The following LRRC53 variants were observed in gnomAD, a reference collection of about 807,000 sequenced individuals.
LRRC53 encodes the protein leucine-rich repeat-containing protein 53.
A neutral mutation model predicts 13.6 loss-of-function variants in LRRC53; 25 were observed. The observed-to-expected ratio is 1.83, with a 90% CI of 1.34 to 2.56. The LOEUF (loss-of-function observed/expected upper bound fraction) is 2.56, where lower values mean the gene tolerates loss of function less well. Among genes scored for constraint, LRRC53 ranks in the 30% most tolerant of loss-of-function variants. LRRC53 has a pLI of 0.00. For missense variants in LRRC53, 527 were observed against 275.8 expected, an observed-to-expected ratio of 1.91 and a Z score of -6.45; for synonymous variants, 204 against 109.8, an observed-to-expected ratio of 1.86 and a Z score of -5.37.
chr1:74,489,907 G>A (rs1048544174), intron 1 of LRRC53, among the ~76,000 whole-genome samples: 3 of 151,976 alleles, frequency 2.0e-5, no homozygotes, highest in Non-Finnish European at 2.9e-5. Context: ...ACTGGTGGAG[G>A]AAGACATACA....
intron 1 of LRRC53, among the ~76,000 whole-genome samples, chr1:74,490,359 G>T (rs1381183860): frequency 5.3e-5 from 8 of 152,130 alleles, no homozygotes; most frequent in Non-Finnish European, 1.0e-4. Context: ...ACACCTTCAA[G>T]ACTTGAATTT....
intron 1 of LRRC53, among the ~76,000 whole-genome samples, chr1:74,492,566 C>T (rs778394778): frequency 3.3e-5 from 5 of 152,142 alleles, no homozygotes; most frequent in Non-Finnish European, 7.3e-5. Flanking sequence ...GGCATCCAAG[C>T]AAGAATTCCT....
At chr1:74,485,553 C>T (rs1444342763) in intron 1 of LRRC53, among the ~76,000 whole-genome samples, 2 of 152,122 alleles carry the variant, frequency 1.3e-5, no homozygotes, top group African/African-American at 4.8e-5. Context: ...ATGTAGAATA[C>T]CCTGTCCTTC....
At chr1:74,520,073 T>C in the LRRC53 span, among the ~76,000 whole-genome samples, 1 of 152,144 alleles carries the variant, frequency 6.6e-6, no homozygotes, top group African/African-American at 2.4e-5. Flanking sequence ...TCTTTAATGG[T>C]GATTTGTGAG....
chr1:74,492,878 T>C (rs527410721), intron 1 of LRRC53, among the ~76,000 whole-genome samples: 2 of 152,306 alleles, frequency 1.3e-5, no homozygotes, highest in East Asian at 3.9e-4. Flanking sequence ...AAGCTGGAAG[T>C]CCAAGATCAG....
At position 74,480,958 on chromosome 1, in the gene LRRC53, C is replaced by A; in HGVS notation, c.99G>T (p.Met33Ile). 1 of 712,620 alleles carries A rather than the reference C, an allele frequency of 1.4e-6. No homozygotes were observed. The highest frequency in any genetic ancestry group is 1.5e-5 in the South Asian group (1 of 66,634). 44.1% of individuals were successfully genotyped at this position (712,620 alleles called of 1,614,324 possible). A position where few individuals can be genotyped will look rare whatever the true frequency, so the allele number is the denominator to read the frequency against. ...CGGTGATGATTAAAACCCTCGTGGT[C>A]ATAGGGGCTGCTGTGGGGAAAAAAG... ...HQLTYIVAAP[M>I]TTRVLIITDG... Residue 33 changes from methionine to isoleucine, a missense_variant, in exon 3 of 5, where the codon ATG (methionine) becomes ATT (isoleucine). Physicochemically the swap from Met to Ile is conservative, Grantham distance 10 (BLOSUM62 1). Transcript: ENST00000294635.
At chr1:74,497,792 G>A (rs892220372) in intron 1 of LRRC53, among the ~76,000 whole-genome samples, 1 of 151,992 alleles carries the variant, frequency 6.6e-6, no homozygotes, top group Non-Finnish European at 1.5e-5. Flanking sequence ...TATATTATTT[G>A]CATTAAAACC....
chr1:74,525,041 G>T, the LRRC53 span, among the ~76,000 whole-genome samples: 1 of 152,114 alleles, frequency 6.6e-6, no homozygotes, highest in African/African-American at 2.4e-5. Context: ...GCTGGACACT[G>T]GGGAAAGAGA....
intron 1 of LRRC53, among the ~76,000 whole-genome samples, chr1:74,498,446 A>G (rs1669446270): frequency 6.6e-6 from 1 of 152,236 alleles, no homozygotes; most frequent in Non-Finnish European, 1.5e-5. Context: ...TAGATCATAA[A>G]TATGTTAAAA....
chr1:74,491,639 T>G (rs1669083094), intron 1 of LRRC53, among the ~76,000 whole-genome samples: 1 of 152,204 alleles, frequency 6.6e-6, no homozygotes, highest in Non-Finnish European at 1.5e-5. Context: ...AAAGCATTTT[T>G]CGTCTTATAA....
chr1:74,525,035 G>A, the LRRC53 span, among the ~76,000 whole-genome samples: 1 of 152,132 alleles, frequency 6.6e-6, no homozygotes, highest in Non-Finnish European at 1.5e-5. Flanking sequence ...CTATGAGCTG[G>A]ACACTGGGGA....
Position 74,471,429 on chromosome 1 carries a change from T to G in LRRC53, c.2193A>C (p.Pro731=). ...TTGGGAGACTTGACAAGGATTTTTC[T>G]GGATGGACTCTGACTTTTCTAAAAG... ...LHPFRKVRVH[P]EKSLSSLPKQ... Residue 731 remains proline (P), a synonymous_variant, in exon 5 of 5, where the codon CCA becomes CCC. Coordinates refer to ENST00000294635, the MANE Select transcript of LRRC53 (RefSeq NM_001382280.1). 2.5e-6 allele frequency: 1 copy of G among 400,740 alleles called. No individual in the cohort carries two copies. 24.8% of individuals were successfully genotyped at this position (400,740 alleles called of 1,614,324 possible). A position where few individuals can be genotyped will look rare whatever the true frequency, so the allele number is the denominator to read the frequency against.
chr1:74,484,020 G>A (rs1035322090), intron 1 of LRRC53, among the ~76,000 whole-genome samples: 4 of 151,812 alleles, frequency 2.6e-5, no homozygotes, highest in African/African-American at 9.7e-5. Context: ...GCTTTTTCAT[G>A]TGTAAAATAG....
Position 74,475,578 on chromosome 1 carries a change from T to C in LRRC53, c.1137A>G (p.Leu379=). 2.8e-6 allele frequency: 2 copies of C among 717,424 alleles called. No homozygotes were observed. The highest frequency in any genetic ancestry group is 5.2e-6 in the Non-Finnish European group (2 of 384,952). 44.4% of individuals were successfully genotyped at this position (717,424 alleles called of 1,614,324 possible). A position where few individuals can be genotyped will look rare whatever the true frequency, so the allele number is the denominator to read the frequency against. The change falls in exon 4 of 5, where the codon TTA becomes TTG. Residue 379 remains leucine, a synonymous_variant. Transcript: ENST00000294635. ...ATGTTGCTTGATGGCTATTTTCCTG[T>C]AAAAGTGGCATTTCTTTTCTGGACC... ...TVGSRKEMPL[L]QENSHQATSA...
rs199921700 is a variant in LRRC53 at position 74,499,685 on chromosome 1, C to CA, written c.-27+12840dup. ...TTTATACTCAGCTTGTATTTCCCAC[C>CA]AAAAAAATGAGATTTTGATTATAGA... On this transcript the variant is annotated intron_variant, in intron 1 of 4. Coordinates refer to ENST00000294635, the MANE Select transcript of LRRC53 (RefSeq NM_001382280.1). Among the ~76,000 whole-genome samples, 924 of 151,884 alleles carry CA rather than the reference C, an allele frequency of 6.1e-3. 14 individuals carry two copies. The highest frequency in any genetic ancestry group is 0.02 in the African/African-American group (845 of 41,452).
rs17095389 is a variant in LRRC53, at chr1:74,470,138, C to T, written c.3484G>A (p.Val1162Ile). 7.3e-3 allele frequency: 2,919 copies of T among 400,696 alleles called. 76 individuals are homozygous for T. Among genetic ancestry groups the T allele is most frequent in the African/African-American group, 0.055 (2,669 of 48,808 alleles). 24.8% of individuals were successfully genotyped at this position (400,696 alleles called of 1,614,324 possible). A position where few individuals can be genotyped will look rare whatever the true frequency, so the allele number is the denominator to read the frequency against. ...RILCSEVDPE[V>I]NSNVHNFREV... ...CTAAAATTATGTACATTACTGTTAA[C>T]TTCAGGATCTACTTCACTGCAAAGT... is the stretch of plus-strand genomic sequence containing the variant. Residue 1162 changes from valine to isoleucine, a missense_variant, in exon 5 of 5, where the codon GTT (valine) becomes ATT (isoleucine). Coordinates refer to ENST00000294635, the MANE Select transcript of LRRC53 (RefSeq NM_001382280.1).
rs1668125578 is a variant in LRRC53, at chr1:74,475,116, C to CACA, written c.1420+178_1420+179insTGT. On this transcript the variant is annotated intron_variant, in intron 4 of 4. Coordinates refer to ENST00000294635, the MANE Select transcript of LRRC53 (RefSeq NM_001382280.1). Reference sequence around the variant, plus strand: ...AAGAACACTTCATCTCCACCTCAGCCCACACACACACACACACACACACAC... The same window carrying CACA: ...AAGAACACTTCATCTCCACCTCAGCCACACACACACACACACACACACACACAC... Among the ~76,000 whole-genome samples the CACA allele has an allele frequency of 7.9e-4, 108 of 135,992 alleles. 2 individuals are homozygous for CACA. In the Middle Eastern group the frequency reaches 0.011, roughly 14 times the overall value. 89.2% of individuals were successfully genotyped at this position (135,992 alleles called of 152,430 possible). A position where few individuals can be genotyped will look rare whatever the true frequency, so the allele number is the denominator to read the frequency against.
At chr1:74,505,560 C>A (rs1166326909) in intron 1 of LRRC53, among the ~76,000 whole-genome samples, 1 of 140,454 alleles carries the variant, frequency 7.1e-6, no homozygotes, top group Non-Finnish European at 1.5e-5. Flanking sequence ...ATTGTTTTTT[C>A]TTTTTTTCAC....
chr1:74,533,954 T>A, the LRRC53 span, among the ~76,000 whole-genome samples: 1 of 152,330 alleles, frequency 6.6e-6, no homozygotes, highest in South Asian at 2.1e-4. Context: ...GTTCAGTTTC[T>A]GCCTCTGGCT....
Sources: allele counts gnomAD v4.1 joint callset (sites outside exome capture counted in the v4.1 genomes callset), GRCh38; gene constraint gnomAD v4.1.1; transcripts MANE v1.5; gene names NCBI Gene and HGNC (gene_info 2026-07-23, HGNC 2026-07-21).